Variants in LCTL observed in about 807,000 individuals in gnomAD.
LCTL encodes the protein lactase-like protein.
A neutral mutation model predicts 75.8 loss-of-function variants in LCTL; 76 were observed. The observed-to-expected ratio is 1.00, with a 90% CI of 0.83 to 1.21. The LOEUF is 1.21. Ranked by LOEUF, LCTL falls within the 50% of genes most tolerant of loss-of-function variation. The pLI, the probability that LCTL is intolerant of heterozygous loss-of-function variation, is 0.00. For missense variants in LCTL, 670 were observed against 712.4 expected (o/e 0.94, Z 0.68); for synonymous variants, 271 against 268.8 (o/e 1.01, Z -0.08).
chr15:66,554,308 A>T (rs1175406296), intron 8 of LCTL, among the ~76,000 whole-genome samples: 1 of 151,010 alleles, frequency 6.6e-6, no homozygotes, highest in East Asian at 1.9e-4. Context: ...AAAAAAAAAA[A>T]AAGTAGCTGG....
intron 4 of LCTL, among the ~76,000 whole-genome samples, 155 bp downstream of exon 5, chr15:66,563,361 T>A (rs1049817962): frequency 1.3e-5 from 2 of 152,090 alleles, no homozygotes; most frequent in Non-Finnish European, 2.9e-5. Context: ...AGACAGTGAG[T>A]CAGAGAGATT....
intron 4 of LCTL, among the ~76,000 whole-genome samples, 152 bp downstream of exon 5, chr15:66,563,362 CAG>C (rs1183193098): frequency 2.0e-5 from 3 of 152,202 alleles, no homozygotes; most frequent in Admixed American, 2.0e-4. Flanking sequence ...GACAGTGAGT[CAG>C]AGAGATTTTT....
Position 66,558,049 on chromosome 15 carries a change from C to T in LCTL, c.706-13G>A, listed in dbSNP as rs752809494. On this transcript the variant is annotated splice_polypyrimidine_tract_variant and intron_variant, in intron 6 of 12. Coordinates refer to ENST00000341509, the Ensembl canonical transcript of LCTL. ...CTTTGGCGTGGGCCTGAAAGGGGAG[C>T]AGAAATTCATCGTAGGTACCTGGCC... is the stretch of plus-strand genomic sequence containing the variant. The T allele has an allele frequency of 6.3e-7, 1 of 1,595,088 alleles. No individual in the cohort carries two copies. Among genetic ancestry groups the T allele is most frequent in the Admixed American group, 1.7e-5 (1 of 58,194 alleles).
intron 12 of LCTL, chr15:66,549,586 A>C (rs1179522512): frequency 6.5e-6 from 1 of 152,792 alleles, no homozygotes; most frequent in Non-Finnish European, 1.5e-5. Context: ...TCTTCTATGA[A>C]GACAGGGACC....
intron 2 of LCTL, 149 bp from the exon 4 acceptor site, chr15:66,564,147 A>G (rs1395886835): frequency 1.6e-6 from 1 of 634,152 alleles, no homozygotes; most frequent in African/African-American, 1.8e-5. Context: ...AACAGAGGTG[A>G]TGCCACCTGC....
chr15:66,564,595 A>T (rs1257669397), intron 2 of LCTL, 81 bp downstream of exon 3: 6 of 1,480,980 alleles, frequency 4.1e-6, no homozygotes, highest in Non-Finnish European at 5.5e-6. Context: ...CCCAAACGTC[A>T]CTCCCTGCCT....
intron 12 of LCTL, 72 bp downstream of exon 13, chr15:66,549,969 A>G: frequency 9.7e-7 from 1 of 1,027,506 alleles, no homozygotes; most frequent in Non-Finnish European, 1.4e-6. Context: ...CCACATTTTG[A>G]GATTTTGAAA....
chr15:66,548,206 C>A (rs1389530038), exon 13 of LCTL: 1 of 231,782 alleles, frequency 4.3e-6, no homozygotes, highest in African/African-American at 2.3e-5. Flanking sequence ...AGTTTGTATA[C>A]TATGATGCCA....
intron 11 of LCTL, among the ~76,000 whole-genome samples, chr15:66,550,768 C>A (rs949249271): frequency 1.3e-5 from 2 of 152,094 alleles, no homozygotes; most frequent in Admixed American, 1.3e-4. Context: ...CATGAGCCAC[C>A]GTACCTGGCC....
rs1374397748 is a variant in LCTL at position 66,551,103 on chromosome 15, C to T, written c.1524+559G>A. Reference sequence around the variant, plus strand: ...GTGGCTCACGCCTGTAATCCCAGCACTTTAGGAGGCTGAGGTGGGCAGATC... The same window carrying T: ...GTGGCTCACGCCTGTAATCCCAGCATTTTAGGAGGCTGAGGTGGGCAGATC... On this transcript the variant is annotated intron_variant, in intron 11 of 12. Coordinates refer to ENST00000341509, the Ensembl canonical transcript of LCTL. Among the ~76,000 whole-genome samples the T allele has an allele frequency of 2.0e-5, 3 of 152,000 alleles. No homozygotes were observed. In the East Asian group the frequency reaches 5.8e-4, roughly 30 times the overall value.
exon 13 of LCTL, chr15:66,548,423 T>G: frequency 1.2e-6 from 1 of 802,844 alleles, no homozygotes; most frequent in Non-Finnish European, 2.0e-6. Context: ...ATGGAAACCC[T>G]CAAAGCAGAA....
intron 8 of LCTL, among the ~76,000 whole-genome samples, chr15:66,557,238 T>C (rs1356222767): frequency 6.6e-6 from 1 of 152,202 alleles, no homozygotes; most frequent in East Asian, 1.9e-4. Context: ...AGGTAGAATT[T>C]TCTGTTACGT....
intron 6 of LCTL, 94 bp from the exon 8 acceptor site, chr15:66,558,130 G>C (rs1895787886): frequency 4.6e-6 from 5 of 1,094,062 alleles, no homozygotes. Flanking sequence ...TAACTTTAGA[G>C]CTATTATTTT....
intron 8 of LCTL, among the ~76,000 whole-genome samples, chr15:66,554,936 T>G (rs1895705741): frequency 6.6e-6 from 1 of 152,216 alleles, no homozygotes; most frequent in Non-Finnish European, 1.5e-5. Context: ...ACTTTTTACT[T>G]CATATTTTTT....
chr15:66,565,440 G>T (rs1896004067), exon 1 of LCTL: 1 of 987,672 alleles, frequency 1.0e-6, no homozygotes, highest in Admixed American at 2.7e-5. Flanking sequence ...TGATGGCCAG[G>T]TCTTGGCTTA....
chr15:66,550,308 CTT>C (rs1895549992), intron 11 of LCTL, among the ~76,000 whole-genome samples: 1 of 152,110 alleles, frequency 6.6e-6, no homozygotes, highest in Non-Finnish European at 1.5e-5. Flanking sequence ...AAAGAACAGT[CTT>C]TATTCATGAG....
chr15:66,553,318 T>C, intron 8 of LCTL, 60 bp from the exon 10 acceptor site: 1 of 1,369,550 alleles, frequency 7.3e-7, no homozygotes, highest in Non-Finnish European at 9.8e-7. Flanking sequence ...CACTGTGTTA[T>C]GTATCATGAC....
chr15:66,563,098 A>G (rs1895934270), intron 4 of LCTL, among the ~76,000 whole-genome samples: 1 of 152,144 alleles, frequency 6.6e-6, no homozygotes, highest in Admixed American at 6.6e-5. Flanking sequence ...AGTATGGGGA[A>G]GTGTAGTCTT....
At chr15:66,550,160 C>G (rs1895543481) in intron 11 of LCTL, 56 bp from the exon 13 acceptor site, 1 of 1,060,084 alleles carries the variant, frequency 9.4e-7, no homozygotes. Context: ...TTTGCTGTTT[C>G]AAATCATTTT....
Sources: allele counts gnomAD v4.1 joint callset (sites outside exome capture counted in the v4.1 genomes callset), GRCh38; gene constraint gnomAD v4.1.1; transcripts MANE v1.5; gene names NCBI Gene and HGNC (gene_info 2026-07-23, HGNC 2026-07-21).